Variants in WIF1 observed in about 807,000 individuals in gnomAD.
WIF1 encodes the protein Wnt inhibitory factor 1.
Under a neutral mutation model 53.5 loss-of-function variants are expected in WIF1, and 35 were observed. That is an observed-to-expected ratio of 0.65 (90% CI 0.50 to 0.87). WIF1 has a LOEUF of 0.87. Ranked by LOEUF, WIF1 falls within the 40% of genes least tolerant of loss-of-function variation. The pLI is 0.00. For synonymous variants in WIF1, 171 were observed against 170.4 expected, an observed-to-expected ratio of 1.00 and a Z score of -0.03; for missense variants, 467 against 476.8, an observed-to-expected ratio of 0.98 and a Z score of 0.19.
At chr12:65,083,051 A>C (rs924299070) in intron 2 of WIF1, among the ~76,000 whole-genome samples, 2 of 152,142 alleles carry the variant, frequency 1.3e-5, no homozygotes, top group Non-Finnish European at 2.9e-5. Flanking sequence ...AAGGTTTGAA[A>C]ATTTTCAAAT....
intron 9 of WIF1, among the ~76,000 whole-genome samples, chr12:65,053,420 G>A (rs905390062): frequency 1.3e-5 from 2 of 152,154 alleles, no homozygotes; most frequent in Admixed American, 1.3e-4. Flanking sequence ...ATTGAATCAT[G>A]GGGCTGGTTC....
chr12:65,093,417 A>G (rs1217818563), intron 2 of WIF1, among the ~76,000 whole-genome samples: 1 of 152,190 alleles, frequency 6.6e-6, no homozygotes, highest in Non-Finnish European at 1.5e-5. Flanking sequence ...CCAGAATATT[A>G]GGACACACCT....
intron 2 of WIF1, among the ~76,000 whole-genome samples, chr12:65,083,214 A>T (rs1004108855): frequency 3.3e-5 from 5 of 152,204 alleles, no homozygotes; most frequent in African/African-American, 1.2e-4. Context: ...TACTAAAGAG[A>T]TGTAAAATAG....
At chr12:65,051,514 C>T (rs753992577) in intron 9 of WIF1, 44 bp from the exon 10 acceptor site, 1 of 1,520,204 alleles carries the variant, frequency 6.6e-7, no homozygotes, top group Non-Finnish European at 8.8e-7. Flanking sequence ...ACTACAAAAC[C>T]AGGCTCTTCA....
intron 7 of WIF1, among the ~76,000 whole-genome samples, chr12:65,056,890 T>TC (rs999215001): frequency 6.6e-6 from 1 of 151,912 alleles, no homozygotes; most frequent in Non-Finnish European, 1.5e-5. Flanking sequence ...CCTCAAGTGA[T>TC]CCCCCCACCT....
At chr12:65,116,797 GT>G (rs1188440993) in intron 2 of WIF1, among the ~76,000 whole-genome samples, 1 of 151,870 alleles carries the variant, frequency 6.6e-6, no homozygotes, top group Admixed American at 6.6e-5. Context: ...GCTGGGCATG[GT>G]GGCACGTGCC....
rs1401209871 is a variant in WIF1 at position 65,068,873 on chromosome 12, T to C, written c.429A>G (p.Lys143=). ...VVQVGFPCLG[K]QDGVAAFEVD... The stretch of plus-strand genomic sequence containing the variant: ...CTTCAAATGCTGCCACCCCATCCTG[T>C]TTTCCAAGACATGGGAAACCAACTT... The change falls in exon 4 of 10, where the codon AAA becomes AAG. Residue 143 remains lysine (K), a synonymous_variant. Transcript: ENST00000286574. The C allele has an allele frequency of 6.2e-7, 1 of 1,613,336 alleles. No homozygotes were observed. Among genetic ancestry groups the C allele is most frequent in the East Asian group, 2.2e-5 (1 of 44,866 alleles).
intron 2 of WIF1, among the ~76,000 whole-genome samples, chr12:65,098,089 C>T (rs980018103): frequency 1.3e-5 from 2 of 152,128 alleles, no homozygotes; most frequent in Non-Finnish European, 2.9e-5. Context: ...AATGTCTTTC[C>T]TGCTCCATAG....
chr12:65,084,591 A>G (rs1883007005), intron 2 of WIF1, among the ~76,000 whole-genome samples: 1 of 152,192 alleles, frequency 6.6e-6, no homozygotes, highest in Non-Finnish European at 1.5e-5. Flanking sequence ...TCTCATCTAA[A>G]TGTTGGATTC....
intron 2 of WIF1, among the ~76,000 whole-genome samples, chr12:65,085,448 A>AGTTTCAGATTTTGGAGC (rs1367167547): frequency 6.6e-6 from 1 of 152,174 alleles, no homozygotes; most frequent in African/African-American, 2.4e-5. Flanking sequence ...GGCCATTAAA[A>AGTTTCAGATTTTGGAGC]GTTTCAGATT....
chr12:65,117,741 G>A (rs1004039346), intron 2 of WIF1, among the ~76,000 whole-genome samples: 2 of 152,158 alleles, frequency 1.3e-5, no homozygotes, highest in Non-Finnish European at 2.9e-5. Flanking sequence ...TAGATCATCA[G>A]GCATTTGATT....
At chr12:65,076,289 G>A (rs888114587) in intron 3 of WIF1, among the ~76,000 whole-genome samples, 5 of 151,654 alleles carry the variant, frequency 3.3e-5, no homozygotes, top group Middle Eastern at 3.4e-3. Context: ...CTCCCCCCTC[G>A]GCCCCCCAAA....
chr12:65,116,221 C>A (rs1294599901), intron 2 of WIF1, among the ~76,000 whole-genome samples: 2 of 152,152 alleles, frequency 1.3e-5, no homozygotes, highest in East Asian at 1.9e-4. Flanking sequence ...ACCCTCGGGG[C>A]ACATGTCAGT....
Position 65,050,712 on chromosome 12 carries a change from T to C in WIF1, c.*637A>G, listed in dbSNP as rs1284764082. 1 of 185,062 alleles carries C rather than the reference T, an allele frequency of 5.4e-6. No individual in the cohort carries two copies. The highest frequency in any genetic ancestry group is 8.8e-5 in the East Asian group (1 of 11,340). The allele number at this position is 185,062 out of a possible 1,614,324, so 11.5% of individuals were successfully genotyped here. A position where few individuals can be genotyped will look rare whatever the true frequency, so the allele number is the denominator to read the frequency against. ...TAAGAGCTGTGTTTTGTTTACAATA[T>C]ATTATATTGCTTCAAGCCAATGCAA... is the stretch of plus-strand genomic sequence containing the variant. On this transcript the variant is annotated 3_prime_UTR_variant, in exon 10 of 10. Transcript: ENST00000286574.
chr12:65,078,986 G>A lies in WIF1; in HGVS notation c.289-1132C>T, dbSNP rs1013237323. On this transcript the variant is annotated intron_variant, in intron 2 of 9. Transcript: ENST00000286574. Reference sequence around the variant, plus strand: ...TCGAGACCAGTCTGGCCAACATGGCGAAACCCCGTCTCTACTAAAAATACA... The same window carrying A: ...TCGAGACCAGTCTGGCCAACATGGCAAAACCCCGTCTCTACTAAAAATACA... Among the ~76,000 whole-genome samples the A allele has an allele frequency of 2.6e-5, 4 of 151,938 alleles. No homozygotes were observed. In the East Asian group the frequency reaches 5.8e-4, roughly 22 times the overall value.
rs778810455 is a variant in WIF1, at chr12:65,120,499, T to C, written c.206A>G (p.Asp69Gly). Reference sequence around the variant, plus strand: ...CATTCTCTGTTGTGCTTTTCTGAAATCATGTGTAAAAGGTGCCATTTTCCC... The same window carrying C: ...CATTCTCTGTTGTGCTTTTCTGAAACCATGTGTAAAAGGTGCCATTTTCCC... ...SEGKMAPFTHDFRKAQQRMPA... is the reference protein window; with the variant it reads ...SEGKMAPFTHGFRKAQQRMPA... The change falls in exon 2 of 10, where the codon GAT (aspartate) becomes GGT (glycine). Residue 69 changes from aspartate (D) to glycine (G), a missense_variant. By Grantham distance (94) the Asp-to-Gly change is moderately conservative. Transcript: ENST00000286574. The C allele has an allele frequency of 5.6e-6, 9 of 1,614,022 alleles. No individual in the cohort carries two copies. In the African/African-American group the frequency reaches 1.2e-4, roughly 22 times the overall value.
intron 3 of WIF1, among the ~76,000 whole-genome samples, chr12:65,071,033 G>A (rs1592391048): frequency 6.6e-6 from 1 of 151,588 alleles, no homozygotes; most frequent in Non-Finnish European, 1.5e-5. Context: ...ATCAGGAGTT[G>A]GAGACCAGCC....
intron 2 of WIF1, among the ~76,000 whole-genome samples, chr12:65,111,442 G>T (rs1393353694): frequency 2.0e-5 from 3 of 152,034 alleles, no homozygotes; most frequent in Non-Finnish European, 4.4e-5. Flanking sequence ...TTCCTACCTT[G>T]TACTACACAC....
intron 2 of WIF1, chr12:65,083,953 C>T (rs1882997156): frequency 3.8e-6 from 1 of 260,484 alleles, no homozygotes; most frequent in African/African-American, 2.3e-5. Context: ...ATCCTCCCAT[C>T]TCACCCCTCC....
Sources: gnomAD v4.1 joint callset for allele counts (sites outside exome capture counted in the v4.1 genomes callset) on GRCh38, gnomAD v4.1.1 for gene constraint, MANE v1.5 for transcripts, NCBI Gene and HGNC (gene_info 2026-07-23, HGNC 2026-07-21) for gene names.